ATM: variants seen among roughly 807,000 people sequenced by gnomAD.
The protein encoded by ATM is ATM serine/threonine kinase.
Under a neutral mutation model 387.0 loss-of-function variants are expected in ATM, and 308 were observed. That is an observed-to-expected ratio of 0.80 (90% CI 0.73 to 0.87). The LOEUF is 0.87. Ranked by LOEUF, ATM falls within the 40% of genes least tolerant of loss-of-function variation. The pLI is 0.00. For synonymous variants in ATM, 1,156 were observed against 1,187.3 expected (o/e 0.97, Z 0.54); for missense variants, 3,312 against 3,560.9 (o/e 0.93, Z 1.78).
chr11:108,349,255 T>C (rs1203157795), intron 59 of ATM, among the ~76,000 whole-genome samples: 1 of 152,170 alleles, frequency 6.6e-6, no homozygotes, highest in Non-Finnish European at 1.5e-5. Context: ...AAATAGACCT[T>C]TGAATTTAAC....
intron 22 of ATM, among the ~76,000 whole-genome samples, chr11:108,277,699 C>T (rs1024755152): frequency 1.3e-5 from 2 of 152,118 alleles, no homozygotes; most frequent in East Asian, 1.9e-4. Context: ...ACTCTCCCTC[C>T]GTGGGCTGCA....
At chr11:108,252,705 G>T in intron 11 of ATM, 112 bp from the exon 12 acceptor site, 1 of 750,044 alleles carries the variant, frequency 1.3e-6, no homozygotes, top group Non-Finnish European at 2.3e-6. Flanking sequence ...TTTTAATCTA[G>T]GATCCAAATT....
chr11:108,353,676 G>T lies in ATM; in HGVS notation c.8672-90G>T. 2.9e-6 allele frequency: 3 copies of T among 1,052,560 alleles called. No homozygotes were observed. In the South Asian group the frequency reaches 3.8e-5, roughly 13 times the overall value. The allele number at this position is 1,052,560 out of a possible 1,614,324, so 65.2% of individuals were successfully genotyped here. A position where few individuals can be genotyped will look rare whatever the true frequency, so the allele number is the denominator to read the frequency against. On this transcript the variant is annotated intron_variant, in intron 59 of 62. Transcript: ENST00000675843. ...GTTCATAGAACGTAGGTAACATGTG[G>T]TTTCTTGCCTTTGTAAAGTTCACAT...
Position 108,281,066 on chromosome 11 carries a change from AG to A in ATM, c.3475del (p.Ala1159LeufsTer22), listed in dbSNP as rs775160037. ...NRKSVLLTLI[A>X]VVLSCSPICE... Reference sequence around the variant, plus strand: ...GAAAATCTGTTTTACTGACGTTGATAGCTGTGGTTTTATCCTGTAGCCCTAT... The same window carrying A: ...GAAAATCTGTTTTACTGACGTTGATACTGTGGTTTTATCCTGTAGCCCTAT... On this transcript the variant is annotated frameshift_variant, in exon 24 of 63. Coordinates refer to ENST00000675843, the MANE Select transcript of ATM (RefSeq NM_000051.4). LOFTEE classifies it high-confidence loss of function. 6.2e-7 allele frequency: 1 copy of A among 1,613,920 alleles called. No individual in the cohort carries two copies. Among genetic ancestry groups the A allele is most frequent in the Non-Finnish European group, 8.5e-7 (1 of 1,179,872 alleles).
Position 108,367,531 on chromosome 11 carries a change from T to A in ATM, c.*2023T>A. On this transcript the variant is annotated 3_prime_UTR_variant, in exon 63 of 63. Coordinates refer to ENST00000675843, the MANE Select transcript of ATM (RefSeq NM_000051.4). ...GTAAAACTACTGACTCGTGTATTAG[T>A]GAGTATAATCTCTTCTCCATCCTTA... 1 of 205,358 alleles carries A rather than the reference T, an allele frequency of 4.9e-6. No individual in the cohort carries two copies. Among genetic ancestry groups the A allele is most frequent in the East Asian group, 7.5e-5 (1 of 13,418 alleles). The allele number at this position is 205,358 out of a possible 1,614,324, so 12.7% of individuals were successfully genotyped here.
chr11:108,285,350 A>G (rs1052553227), intron 26 of ATM, among the ~76,000 whole-genome samples: 3 of 150,686 alleles, frequency 2.0e-5, no homozygotes, highest in African/African-American at 7.3e-5. Context: ...ATGTATCTCT[A>G]ATATATTTTG....
At chr11:108,282,656 A>C in intron 24 of ATM, 54 bp from the exon 25 acceptor site, 1 of 1,519,186 alleles carries the variant, frequency 6.6e-7, no homozygotes, top group Non-Finnish European at 9.1e-7. Flanking sequence ...ACAAGCATTT[A>C]AATGATTTAT....
At chr11:108,225,922 T>C (rs2078714886) in intron 1 of ATM, 1 of 152,170 alleles carries the variant, frequency 6.6e-6, no homozygotes, top group Admixed American at 6.5e-5. Context: ...CAGAGAAACA[T>C]ACTTAATCTT....
rs567881770 is a variant in ATM at position 108,243,591 on chromosome 11, C to T, written c.497-362C>T. Among the ~76,000 whole-genome samples, 100 of 152,192 alleles carry T rather than the reference C, an allele frequency of 6.6e-4. 4 individuals carry two copies. The highest frequency in any genetic ancestry group is 5.9e-5 in the Non-Finnish European group (4 of 68,006). On this transcript the variant is annotated intron_variant, in intron 5 of 62. Coordinates refer to ENST00000675843, the MANE Select transcript of ATM (RefSeq NM_000051.4). ...TTGCACCATTGCACTCCAGCCTGGA[C>T]GACAGAGCAAGATTCTGTCTCAAAA... is the stretch of plus-strand genomic sequence containing the variant.
intron 22 of ATM, among the ~76,000 whole-genome samples, chr11:108,276,156 T>C (rs1329012719): frequency 1.3e-5 from 2 of 152,224 alleles, no homozygotes; most frequent in East Asian, 3.8e-4. Context: ...AGTTCGGCTG[T>C]TGATACTTGC....
At position 108,330,411 on chromosome 11, in the gene ATM, G is replaced by T. The variant is rs754517317; in HGVS notation, c.7505G>T (p.Gly2502Val). The part of the protein sequence containing the change: ...LENSGVSEVN[G>V]MMKRDGMKIP... Reference sequence around the variant, plus strand: ...AATTCTGGAGTTTCTGAAGTCAATGGCATGATGAAGGCAAGTGTTACTCAG... The same window carrying T: ...AATTCTGGAGTTTCTGAAGTCAATGTCATGATGAAGGCAAGTGTTACTCAG... Residue 2502 changes from glycine to valine, a missense_variant, in exon 50 of 63, where the codon GGC becomes GTC. Coordinates refer to ENST00000675843, the MANE Select transcript of ATM (RefSeq NM_000051.4). 1 of 1,614,096 alleles carries T rather than the reference G, an allele frequency of 6.2e-7. No homozygotes were observed. Among genetic ancestry groups the T allele is most frequent in the Non-Finnish European group, 8.5e-7 (1 of 1,179,986 alleles).
intron 9 of ATM, 70 bp from the exon 10 acceptor site, chr11:108,250,631 C>G (rs2135312822): frequency 1.4e-6 from 2 of 1,449,860 alleles, no homozygotes; most frequent in South Asian, 2.3e-5. Context: ...AGTACCATGT[C>G]TATATATTTC....
Position 108,244,077 on chromosome 11 carries a change from C to T in ATM, c.621C>T (p.Ser207=), listed in dbSNP as rs2135226189. 6.2e-7 allele frequency: 1 copy of T among 1,613,638 alleles called. No homozygotes were observed. The highest frequency in any genetic ancestry group is 8.5e-7 in the Non-Finnish European group (1 of 1,179,852). The change falls in exon 6 of 63, where the codon TCC becomes TCT. Residue 207 remains serine, a synonymous_variant. Transcript: ENST00000675843. ...GCCSQTDGLN[S]KFLDFFSKAI... is the part of the protein sequence containing the mutation. ...GTTCTCAGACTGACGGATTAAATTC[C>T]AAATTTTTGGACTTTTTTTCCAAGG...
Position 108,227,982 on chromosome 11 carries a change from A to G in ATM, c.185+94A>G, listed in dbSNP as rs2078831211. 3 of 1,070,330 alleles carry G rather than the reference A, an allele frequency of 2.8e-6. No individual in the cohort carries two copies. In the South Asian group the frequency reaches 4.2e-5, roughly 15 times the overall value. 66.3% of individuals were successfully genotyped at this position (1,070,330 alleles called of 1,614,324 possible). On this transcript the variant is annotated intron_variant, in intron 3 of 62. Coordinates refer to ENST00000675843, the MANE Select transcript of ATM (RefSeq NM_000051.4). ...CTTTTGTGTGTAAGTCTTAACATTT[A>G]TCTTTGCTTCCTATATATCATTATG...
chr11:108,245,251 A>T (rs1043596563), intron 7 of ATM, among the ~76,000 whole-genome samples: 3 of 152,316 alleles, frequency 2.0e-5, no homozygotes, highest in Middle Eastern at 3.4e-3. Flanking sequence ...ATTAGGTATT[A>T]TGGGAAATAC....
chr11:108,295,312 A>AT (rs1020807935), intron 32 of ATM: 795 of 360,454 alleles, frequency 2.2e-3, no homozygotes, highest in Middle Eastern at 5.0e-3. Flanking sequence ...TACTGCCTAA[A>AT]TTTTTTTTTT....
chr11:108,303,167 A>G, intron 36 of ATM, 138 bp downstream of exon 36: 1 of 928,400 alleles, frequency 1.1e-6, no homozygotes, highest in Non-Finnish European at 1.6e-6. Context: ...GAGCATCCGT[A>G]TTTAGTCATA....
Position 108,345,891 on chromosome 11 carries a change from T to C in ATM, c.8567T>C (p.Val2856Ala). ...AAGCGATTGGCTTATACGCGCAGTGTAGCTACTTCTTCTATTGGTAATCTT... is the reference window on the plus strand; with the variant it reads ...AAGCGATTGGCTTATACGCGCAGTGCAGCTACTTCTTCTATTGGTAATCTT... ...FEKRLAYTRS[V>A]ATSSIVGYIL... The change falls in exon 58 of 63, where the codon GTA becomes GCA. Residue 2856 changes from valine to alanine, a missense_variant. Val to Ala is a moderately conservative substitution (Grantham distance 64). Coordinates refer to ENST00000675843, the MANE Select transcript of ATM (RefSeq NM_000051.4). The C allele has an allele frequency of 1.2e-6, 2 of 1,613,754 alleles. No individual in the cohort carries two copies. Among genetic ancestry groups the C allele is most frequent in the Non-Finnish European group, 1.7e-6 (2 of 1,179,762 alleles).
chr11:108,329,335 A>G, intron 49 of ATM, 97 bp downstream of exon 49: 1 of 1,108,728 alleles, frequency 9.0e-7, no homozygotes, highest in Non-Finnish European at 1.3e-6. Context: ...TATCTGATAT[A>G]GTTTTGAGCT....
Sources: gnomAD v4.1 joint callset for allele counts (sites outside exome capture counted in the v4.1 genomes callset) on GRCh38, gnomAD v4.1.1 for gene constraint, MANE v1.5 for transcripts, NCBI Gene and HGNC (gene_info 2026-07-23, HGNC 2026-07-21) for gene names.